Variants in VWA5A observed in about 807,000 individuals in gnomAD.
VWA5A encodes von Willebrand factor A domain-containing protein 5A.
Under a neutral mutation model 84.6 loss-of-function variants are expected in VWA5A, and 77 were observed. The ratio of observed to expected loss-of-function variants is 0.91; its 90% CI spans 0.76 to 1.10. The LOEUF (loss-of-function observed/expected upper bound fraction) is 1.10, where lower values mean the gene tolerates loss of function less well. Among genes scored for constraint, VWA5A ranks in the 50% least tolerant of loss-of-function variants. The pLI, the probability that VWA5A is intolerant of heterozygous loss-of-function variation, is 0.00. For synonymous variants in VWA5A, 334 were observed against 350.1 expected (o/e 0.95, Z 0.51); for missense variants, 973 against 963.0 (o/e 1.01, Z -0.14).
Position 124,137,000 on chromosome 11 carries a change from T to C in VWA5A, c.1626-15T>C, listed in dbSNP as rs890369440. On this transcript the variant is annotated splice_polypyrimidine_tract_variant and intron_variant, in intron 14 of 18. Coordinates refer to ENST00000456829, the MANE Select transcript of VWA5A (RefSeq NM_001130142.2). ...CTTTCCCTACATTTCAGTACTTTTT[T>C]TTTTTTCCTTTCAGCCTCACCATTC... 2 of 1,603,214 alleles carry C rather than the reference T, an allele frequency of 1.2e-6. No homozygotes were observed. Among genetic ancestry groups the C allele is most frequent in the African/African-American group, 1.4e-5 (1 of 73,866 alleles).
intron 2 of VWA5A, 76 bp downstream of exon 2, chr11:124,116,756 T>C (rs1425993331): frequency 8.5e-5 from 13 of 152,248 alleles, no homozygotes; most frequent in Admixed American, 8.5e-4. Context: ...AAGCCTGATT[T>C]ATTGGTGCTG....
intron 12 of VWA5A, 148 bp downstream of exon 12, chr11:124,135,182 G>A (rs1865156214): frequency 1.9e-6 from 1 of 535,264 alleles, no homozygotes; most frequent in African/African-American, 1.9e-5. Context: ...TGTATACTTA[G>A]TCAGGCTACT....
intron 11 of VWA5A, among the ~76,000 whole-genome samples, chr11:124,134,068 T>C (rs1171631311): frequency 6.6e-6 from 1 of 152,254 alleles, no homozygotes; most frequent in Non-Finnish European, 1.5e-5. Flanking sequence ...AACAGCACTT[T>C]ATAACATAGG....
chr11:124,124,149 T>A (rs1207665331), intron 10 of VWA5A, 88 bp from the exon 11 acceptor site: 3 of 1,283,850 alleles, frequency 2.3e-6, no homozygotes, highest in Non-Finnish European at 3.3e-6. Flanking sequence ...GCCTCTGCAA[T>A]GAAATAGGTG....
chr11:124,144,340 T>G (rs1040928036), intron 17 of VWA5A, among the ~76,000 whole-genome samples: 1 of 152,112 alleles, frequency 6.6e-6, no homozygotes, highest in African/African-American at 2.4e-5. Context: ...AACTAAGAAA[T>G]GGAGGACAAC....
At chr11:124,133,509 A>G (rs145327530) in intron 11 of VWA5A, among the ~76,000 whole-genome samples, 14 of 152,300 alleles carry the variant, frequency 9.2e-5, no homozygotes, top group African/African-American at 3.1e-4. Flanking sequence ...GATGTTTTCA[A>G]ACAAATTATT....
chr11:124,139,526 C>T (rs749693241), intron 15 of VWA5A, among the ~76,000 whole-genome samples: 4 of 152,022 alleles, frequency 2.6e-5, no homozygotes, highest in Admixed American at 6.6e-5. Flanking sequence ...TAAATTTATT[C>T]CTAAATGTTT....
intron 11 of VWA5A, among the ~76,000 whole-genome samples, chr11:124,129,095 C>T (rs1000207640): frequency 1.3e-5 from 2 of 152,186 alleles, no homozygotes; most frequent in Non-Finnish European, 2.9e-5. Context: ...TTTACCCATT[C>T]AGTGTGATAT....
chr11:124,118,257 C>T lies in VWA5A; in HGVS notation c.315C>T (p.Ser105=). The part of the protein sequence containing the change: ...HQAFLLEGDS[S]SRDVFSCNVG... ...CCTTCTTATTGGAGGGGGACAGCAGCTCCAGGGATGTCTTCTCTTGCAATG... is the reference window on the plus strand; with the variant it reads ...CCTTCTTATTGGAGGGGGACAGCAGTTCCAGGGATGTCTTCTCTTGCAATG... Residue 105 remains serine, a synonymous_variant, in exon 5 of 19, where the codon AGC becomes AGT. Transcript: ENST00000456829. The T allele has an allele frequency of 6.2e-7, 1 of 1,614,200 alleles. No homozygotes were observed. The highest frequency in any genetic ancestry group is 8.5e-7 in the Non-Finnish European group (1 of 1,180,038).
chr11:124,145,905 T>C lies in VWA5A; in HGVS notation c.2321T>C (p.Phe774Ser). The change falls in exon 19 of 19, where the codon TTC becomes TCC. Residue 774 changes from phenylalanine to serine, a missense_variant. Transcript: ENST00000456829. Reference sequence around the variant, plus strand: ...TCGGTTGTGAAAGCTGCTATTACTTTCCTGAAGTCATCTGTGGATCCTGCT... The same window carrying C: ...TCGGTTGTGAAAGCTGCTATTACTTCCCTGAAGTCATCTGTGGATCCTGCT... ...MPSVVKAAIT[F>S]LKSSVDPAIF... The C allele has an allele frequency of 6.3e-7, 1 of 1,589,388 alleles. No individual in the cohort carries two copies. Among genetic ancestry groups the C allele is most frequent in the East Asian group, 2.2e-5 (1 of 44,488 alleles).
rs1231156226 is a variant in VWA5A, at chr11:124,146,658, C to G, written c.*713C>G. ...TCTATAATGCAATCCTTAGTCCTAC[C>G]CTGAACCTATGTGTCCTCTAAGTCA... On this transcript the variant is annotated 3_prime_UTR_variant, in exon 19 of 19. Coordinates refer to ENST00000456829, the MANE Select transcript of VWA5A (RefSeq NM_001130142.2). 1 of 152,140 alleles carries G rather than the reference C, an allele frequency of 6.6e-6. No individual in the cohort carries two copies. The highest frequency in any genetic ancestry group is 2.4e-5 in the African/African-American group (1 of 41,392). The allele number at this position is 152,140 out of a possible 1,614,324, so 9.4% of individuals were successfully genotyped here.
At chr11:124,140,908 G>A (rs184563879) in intron 15 of VWA5A, among the ~76,000 whole-genome samples, 262 of 152,288 alleles carry the variant, frequency 1.7e-3, no homozygotes, top group Non-Finnish European at 3.0e-3. Flanking sequence ...TTCTATGAGT[G>A]GAACAATTCT....
At chr11:124,117,471 CTGTT>C in intron 2 of VWA5A, 22 bp from the exon 3 acceptor site, 1 of 1,610,066 alleles carries the variant, frequency 6.2e-7, no homozygotes, top group Non-Finnish European at 8.5e-7. Flanking sequence ...AACATGTCCT[CTGTT>C]TGTGATATGT....
intron 11 of VWA5A, among the ~76,000 whole-genome samples, chr11:124,127,178 C>A (rs1865030778): frequency 1.3e-5 from 2 of 152,110 alleles, no homozygotes; most frequent in Admixed American, 6.5e-5. Context: ...CCCCCCACCC[C>A]CTGACAGGCC....
At chr11:124,133,548 C>T (rs923918725) in intron 11 of VWA5A, among the ~76,000 whole-genome samples, 1 of 152,102 alleles carries the variant, frequency 6.6e-6, no homozygotes, top group Admixed American at 6.5e-5. Flanking sequence ...TTTCCTAGTT[C>T]TTTGCTGGCT....
chr11:124,120,260 T>C (rs935485496), intron 7 of VWA5A, among the ~76,000 whole-genome samples: 1 of 152,230 alleles, frequency 6.6e-6, no homozygotes, highest in Non-Finnish European at 1.5e-5. Flanking sequence ...TCTTGGAATT[T>C]AAATTGGTGT....
intron 11 of VWA5A, among the ~76,000 whole-genome samples, chr11:124,130,806 G>T (rs996911437): frequency 6.6e-6 from 1 of 152,180 alleles, no homozygotes; most frequent in South Asian, 2.1e-4. Context: ...TTTAGTGAAA[G>T]CAATAAATAA....
At chr11:124,135,522 CTTTTTTTTTTTT>C (rs60188800) in intron 12 of VWA5A, among the ~76,000 whole-genome samples, 4 of 84,316 alleles carry the variant, frequency 4.7e-5, no homozygotes, top group African/African-American at 1.9e-4. Flanking sequence ...GGTGGTATTT[CTTTTTTTTTTTT>C]TTTTTTTTTT....
chr11:124,121,340 T>C (rs564797778), intron 7 of VWA5A, among the ~76,000 whole-genome samples: 1 of 152,278 alleles, frequency 6.6e-6, no homozygotes, highest in Non-Finnish European at 1.5e-5. Context: ...TAAACTGAGT[T>C]CCTTAAGTAC....
Sources: gnomAD v4.1 joint callset for allele counts (sites outside exome capture counted in the v4.1 genomes callset) on GRCh38, gnomAD v4.1.1 for gene constraint, MANE v1.5 for transcripts, NCBI Gene and HGNC (gene_info 2026-07-23, HGNC 2026-07-21) for gene names.